The following NPAS1 variants were observed in gnomAD, a reference collection of about 807,000 sequenced individuals.
The protein encoded by NPAS1 is neuronal PAS domain protein 1, also known as neuronal PAS domain-containing protein 1.
A neutral mutation model predicts 49.2 loss-of-function variants in NPAS1; 29 were observed. The ratio of observed to expected loss-of-function variants is 0.59; its 90% confidence interval spans 0.44 to 0.80. NPAS1 has a LOEUF of 0.80. Ranked by LOEUF, NPAS1 falls within the 30% of genes least tolerant of loss-of-function variation. The pLI is 0.00. For missense variants in NPAS1, 825 were observed against 835.5 expected, an observed-to-expected ratio of 0.99 and a Z score of 0.15; for synonymous variants, 408 against 380.4, an observed-to-expected ratio of 1.07 and a Z score of -0.84.
rs1337510195 is a variant in NPAS1, at chr19:47,045,706, A to G, written c.*55A>G. On this transcript the variant is annotated 3_prime_UTR_variant, in exon 12 of 12. Coordinates refer to ENST00000602212, the MANE Select transcript of NPAS1 (RefSeq NM_002517.4). ...TGCGACAACCGGGGTCCCCCAGGAC[A>G]GTAGGCCCGGCTCTGCCCGTAGCCC... The G allele has an allele frequency of 2.3e-6, 3 of 1,332,082 alleles. No homozygotes were observed. The highest frequency in any genetic ancestry group is 2.0e-6 in the Non-Finnish European group (2 of 1,024,264). 82.5% of individuals were successfully genotyped at this position (1,332,082 alleles called of 1,614,324 possible).
intron 6 of NPAS1, among the ~76,000 whole-genome samples, chr19:47,038,329 C>T (rs368032961): frequency 2.8e-4 from 42 of 152,220 alleles, no homozygotes; most frequent in East Asian, 2.3e-3. Flanking sequence ...CCATCCTGGC[C>T]AACATGGCGA....
At position 47,035,990 on chromosome 19, in the gene NPAS1, C is replaced by T. The variant is rs1341465787; in HGVS notation, c.549C>T (p.Phe183=). The change falls in exon 6 of 12, where the codon TTC becomes TTT. Residue 183 remains phenylalanine, a synonymous_variant. Transcript: ENST00000602212. ...SQVEMTGSSV[F]DYIHPGDHSE... ...TGGAGATGACGGGCAGCAGCGTCTT[C>T]GACTACATTCACCCTGGGGACCACT... 6.5e-7 allele frequency: 1 copy of T among 1,544,312 alleles called. No homozygotes were observed. Among genetic ancestry groups the T allele is most frequent in the Non-Finnish European group, 8.7e-7 (1 of 1,147,032 alleles).
rs567691379 is a variant in NPAS1, at chr19:47,042,875, A to C, written c.1283A>C (p.Glu428Ala). The change falls in exon 11 of 12, where the codon GAG (glutamate) becomes GCG (alanine). Residue 428 changes from glutamate to alanine, a missense_variant. Transcript: ENST00000602212. Reference protein sequence around the residue: ...FQLPASVACEEASSPGPEPTE... With the variant: ...FQLPASVACEAASSPGPEPTE... ...CTTCCAGCCAGCGTGGCCTGTGAGG[A>C]GGCATCCAGCCCGGGGCCAGAGCCC... The C allele has an allele frequency of 6.2e-6, 10 of 1,604,360 alleles. No homozygotes were observed. Among genetic ancestry groups the C allele is most frequent in the African/African-American group, 1.3e-5 (1 of 74,292 alleles).
At chr19:47,044,716 T>A (rs60115844) in intron 11 of NPAS1, among the ~76,000 whole-genome samples, 2,638 of 152,294 alleles carry the variant, frequency 0.017, 61 homozygotes, top group African/African-American at 0.061. Flanking sequence ...TCTCCAGATA[T>A]TGCCAGGTGT....
At chr19:47,038,805 AAC>A (rs1323191963) in intron 6 of NPAS1, among the ~76,000 whole-genome samples, 1 of 152,086 alleles carries the variant, frequency 6.6e-6, no homozygotes, top group African/African-American at 2.4e-5. Flanking sequence ...CAGCCTGGAC[AAC>A]AGAGTGATAT....
rs1245107624 is a variant in NPAS1, at chr19:47,045,375, G to A, written c.1497G>A (p.Arg499=). The change falls in exon 12 of 12, where the codon CGG becomes CGA. Residue 499 remains arginine (R), a synonymous_variant. Coordinates refer to ENST00000602212, the MANE Select transcript of NPAS1 (RefSeq NM_002517.4). The part of the protein sequence containing the change: ...TPRPEFTSVI[R]AGVLKQDPVR... ...GGCCCGAGTTCACCTCTGTCATCCG[G>A]GCAGGGGTCCTGAAGCAGGATCCGG... 5 of 1,613,432 alleles carry A rather than the reference G, an allele frequency of 3.1e-6. No individual in the cohort carries two copies. Among genetic ancestry groups the A allele is most frequent in the Non-Finnish European group, 4.2e-6 (5 of 1,179,842 alleles).
At chr19:47,033,785 C>T (rs552767736) in intron 5 of NPAS1, among the ~76,000 whole-genome samples, 2 of 150,020 alleles carry the variant, frequency 1.3e-5, no homozygotes, top group Non-Finnish European at 3.0e-5. Context: ...TAGTGAGACA[C>T]CCCACCACCC....
At chr19:47,028,479 G>T (rs533160761) in intron 3 of NPAS1, among the ~76,000 whole-genome samples, 1 of 152,078 alleles carries the variant, frequency 6.6e-6, no homozygotes, top group Non-Finnish European at 1.5e-5. Flanking sequence ...TTTGATGGTC[G>T]GGTAATAACA....
rs1014338251 is a variant in NPAS1, at chr19:47,045,512, G to T, written c.1634G>T (p.Gly545Val). ...TGCACACCCGGCACCATCCGCTACGGCCCCGCGGAGCTGGGCCTGGTGTAC... is the reference window on the plus strand; with the variant it reads ...TGCACACCCGGCACCATCCGCTACGTCCCCGCGGAGCTGGGCCTGGTGTAC... ...GLCTPGTIRY[G>V]PAELGLVYPH... The change falls in exon 12 of 12, where the codon GGC becomes GTC. Residue 545 changes from glycine (G) to valine (V), a missense_variant. Gly to Val is a moderately radical substitution (Grantham distance 109). Transcript: ENST00000602212. 1.2e-5 allele frequency: 19 copies of T among 1,539,768 alleles called. No homozygotes were observed. Among genetic ancestry groups the T allele is most frequent in the Non-Finnish European group, 1.7e-5 (19 of 1,148,834 alleles).
At chr19:47,043,169 G>A (rs112469734) in intron 11 of NPAS1, among the ~76,000 whole-genome samples, 2,493 of 149,146 alleles carry the variant, frequency 0.017, 55 homozygotes, top group African/African-American at 0.059. Flanking sequence ...GGTGGCATGC[G>A]CCTGTAATCC....
At chr19:47,028,262 C>A (rs1386753790) in intron 3 of NPAS1, among the ~76,000 whole-genome samples, 2 of 152,092 alleles carry the variant, frequency 1.3e-5, no homozygotes, top group African/African-American at 4.8e-5. Flanking sequence ...TGGTTCCGAG[C>A]TGTATCTTGA....
intron 6 of NPAS1, among the ~76,000 whole-genome samples, chr19:47,038,316 A>G (rs2056981278): frequency 6.6e-6 from 1 of 152,160 alleles, no homozygotes; most frequent in Non-Finnish European, 1.5e-5. Context: ...CAAGAGATTG[A>G]GACCATCCTG....
chr19:47,027,131 C>A (rs889151566), intron 3 of NPAS1, among the ~76,000 whole-genome samples: 4 of 152,192 alleles, frequency 2.6e-5, no homozygotes, highest in Non-Finnish European at 5.9e-5. Flanking sequence ...CCCCATGCAG[C>A]CCTCAGGCCT....
chr19:47,030,935 G>A (rs1216681269), intron 3 of NPAS1, among the ~76,000 whole-genome samples: 1 of 151,784 alleles, frequency 6.6e-6, no homozygotes, highest in Non-Finnish European at 1.5e-5. Context: ...CCACCACACT[G>A]GGCCCCTTTG....
intron 3 of NPAS1, among the ~76,000 whole-genome samples, chr19:47,023,973 T>C (rs1181789744): frequency 6.6e-6 from 1 of 151,834 alleles, no homozygotes; most frequent in South Asian, 2.1e-4. Flanking sequence ...GGCGTGGTGG[T>C]GTGTGCCTGT....
intron 11 of NPAS1, 28 bp from the exon 12 acceptor site, chr19:47,045,163 A>T (rs753203935): frequency 1.9e-6 from 3 of 1,603,778 alleles, no homozygotes; most frequent in Non-Finnish European, 2.6e-6. Context: ...GGGGACACAC[A>T]CAGGCCCTCA....
rs1568501513 is a variant in NPAS1, at chr19:47,027,509, CATCTCTCTGCCCCTG to C, written c.359-4768_359-4754del. Among the ~76,000 whole-genome samples the C allele has an allele frequency of 1.5e-3, 36 of 23,674 alleles. 6 individuals carry two copies. Among genetic ancestry groups the C allele is most frequent in the African/African-American group, 8.0e-3 (34 of 4,268 alleles). The allele number at this position is 23,674 out of a possible 152,430, so 15.5% of individuals were successfully genotyped here. On this transcript the variant is annotated intron_variant, in intron 3 of 11. Coordinates refer to ENST00000602212, the MANE Select transcript of NPAS1 (RefSeq NM_002517.4). ...TCCCGTCTCTCTGCCCCTGGTCTCC[CATCTCTCTGCCCCTG>C]TTCTCCCTTCTCTCTGCCCCTGGTC...
intron 3 of NPAS1, among the ~76,000 whole-genome samples, chr19:47,022,944 G>A (rs997991356): frequency 6.6e-6 from 1 of 152,178 alleles, no homozygotes; most frequent in Non-Finnish European, 1.5e-5. Context: ...TGTGAGTGGT[G>A]TTTATCTGAA....
At chr19:47,036,717 CAAA>C (rs57439342) in intron 6 of NPAS1, among the ~76,000 whole-genome samples, 7 of 131,124 alleles carry the variant, frequency 5.3e-5, no homozygotes, top group Admixed American at 3.2e-4. Flanking sequence ...ACTAAAAATA[CAAA>C]AAAAAAAAAA....
Sources: allele counts gnomAD v4.1 joint callset (sites outside exome capture counted in the v4.1 genomes callset), GRCh38; gene constraint gnomAD v4.1.1; transcripts MANE v1.5; gene names NCBI Gene and HGNC (gene_info 2026-07-23, HGNC 2026-07-21).